The following PLCB1 variants were observed in gnomAD, a reference collection of about 807,000 sequenced individuals.
PLCB1 encodes phospholipase C beta 1, also known as 1-phosphatidylinositol 4,5-bisphosphate phosphodiesterase beta-1.
PLCB1 carries 46 observed loss-of-function variants against 161.8 expected under a neutral mutation model. That is an observed-to-expected ratio of 0.28 (90% confidence interval 0.22 to 0.36). The LOEUF (loss-of-function observed/expected upper bound fraction) is 0.36. PLCB1 is among the 10% of genes least tolerant of loss of function. The pLI is 1.00. For missense variants in PLCB1, 1,016 were observed against 1,472.5 expected (o/e 0.69, Z 5.07); for synonymous variants, 517 against 503.7 (o/e 1.03, Z -0.35).
intron 3 of PLCB1, among the ~76,000 whole-genome samples, chr20:8,541,600 G>GAAAGAAAGAAAGAAATAAAT (rs1292981718): frequency 6.0e-5 from 9 of 150,764 alleles, no homozygotes; most frequent in South Asian, 2.1e-4. Context: ...AAGAAAGAAA[G>GAAAGAAAGAAAGAAATAAAT]AAAGAAAGGA....
chr20:8,572,821 C>G (rs917406751), intron 3 of PLCB1, among the ~76,000 whole-genome samples: 9 of 152,164 alleles, frequency 5.9e-5, no homozygotes, highest in African/African-American at 2.2e-4. Flanking sequence ...AGAGGCCTCA[C>G]ACTCATGAAG....
chr20:8,672,742 G>A (rs557027915), intron 9 of PLCB1, among the ~76,000 whole-genome samples: 8 of 152,192 alleles, frequency 5.3e-5, no homozygotes, highest in Non-Finnish European at 8.8e-5. Context: ...AGAGAATTAC[G>A]TGCTGAGGAC....
chr20:8,604,635 T>A (rs1406233755), intron 3 of PLCB1, among the ~76,000 whole-genome samples: 1 of 152,158 alleles, frequency 6.6e-6, no homozygotes, highest in African/African-American at 2.4e-5. Context: ...TGGTTGTCTG[T>A]CATTGCTAGG....
At chr20:8,563,647 G>C (rs1393841275) in intron 3 of PLCB1, among the ~76,000 whole-genome samples, 2 of 152,092 alleles carry the variant, frequency 1.3e-5, no homozygotes, top group Non-Finnish European at 2.9e-5. Context: ...CTTCAGCATA[G>C]TCTCAGGATA....
Position 8,324,903 on chromosome 20 carries a change from T to C in PLCB1, c.178-46479T>C, listed in dbSNP as rs553380513. Among the ~76,000 whole-genome samples the C allele has an allele frequency of 9.8e-5, 15 of 152,360 alleles. No individual in the cohort carries two copies. The East Asian group carries it at 2.5e-3, about 25-fold the overall frequency. On this transcript the variant is annotated intron_variant, in intron 2 of 31. Coordinates refer to ENST00000338037, the MANE Select transcript of PLCB1 (RefSeq NM_015192.4). ...TCTGGGTATTTGAAAGAGGTTCTTA[T>C]GGATTTTTCCATGTGGGAATAACGT... is the stretch of plus-strand genomic sequence containing the variant.
intron 7 of PLCB1, among the ~76,000 whole-genome samples, chr20:8,655,928 G>A (rs975783007): frequency 2.0e-5 from 3 of 151,972 alleles, no homozygotes; most frequent in Admixed American, 6.6e-5. Context: ...AGCACTCTCC[G>A]GCTAAAGAGA....
chr20:8,582,010 T>C (rs1006621765), intron 3 of PLCB1, among the ~76,000 whole-genome samples: 1 of 152,184 alleles, frequency 6.6e-6, no homozygotes, highest in Non-Finnish European at 1.5e-5. Context: ...CAGTTGGCCA[T>C]GGTGGGAGAA....
chr20:8,244,583 G>T (rs1980782463), intron 2 of PLCB1, among the ~76,000 whole-genome samples: 1 of 151,796 alleles, frequency 6.6e-6, no homozygotes, highest in East Asian at 1.9e-4. Flanking sequence ...CCTGGGGAGG[G>T]TTTTTCCAGG....
chr20:8,249,337 CTT>C (rs1251692034), intron 2 of PLCB1: 1 of 151,928 alleles, frequency 6.6e-6, no homozygotes, highest in Non-Finnish European at 1.5e-5. Context: ...TTTGGGGTCT[CTT>C]GAGAGATTAG....
In PLCB1 at chr20:8,492,891, T is replaced by TC. The variant is rs528114386; in HGVS notation, c.246+121442dup. ...GTGTGTGTGCATTTTTAATGTATGT[T>TC]CATTTTTTTCTGTTGATTTTTTAAA... On this transcript the variant is annotated intron_variant, in intron 3 of 31. Coordinates refer to ENST00000338037, the MANE Select transcript of PLCB1 (RefSeq NM_015192.4). 1.9e-3 allele frequency among the ~76,000 whole-genome samples: 288 copies of TC among 152,018 alleles called. 1 individual carries two copies. The highest frequency in any genetic ancestry group is 6.7e-3 in the African/African-American group (278 of 41,486).
At chr20:8,603,028 GGTTT>G (rs1408031314) in intron 3 of PLCB1, among the ~76,000 whole-genome samples, 2 of 137,758 alleles carry the variant, frequency 1.5e-5, no homozygotes, top group African/African-American at 6.4e-5. Context: ...AGTATCACAT[GGTTT>G]GTACAGCAGG....
chr20:8,862,135 T>A (rs1335149246), intron 31 of PLCB1, among the ~76,000 whole-genome samples: 1 of 152,246 alleles, frequency 6.6e-6, no homozygotes, highest in African/African-American at 2.4e-5. Flanking sequence ...ATATTTCCTC[T>A]TGTAGAATAC....
chr20:8,848,506 C>CA (rs5840297), intron 31 of PLCB1, among the ~76,000 whole-genome samples: 49,999 of 151,958 alleles, frequency 0.33, 9,033 homozygotes, highest in East Asian at 0.63. Context: ...TTACACAAGG[C>CA]CTCCTTATCA....
At chr20:8,154,913 T>C (rs2051544093) in intron 2 of PLCB1, among the ~76,000 whole-genome samples, 1 of 152,200 alleles carries the variant, frequency 6.6e-6, no homozygotes, top group Non-Finnish European at 1.5e-5. Flanking sequence ...GCTTTAAGTT[T>C]TCATGTAGTT....
At chr20:8,759,896 A>ATTTTTTTTTTTTTT (rs3033840) in intron 24 of PLCB1, among the ~76,000 whole-genome samples, 2 of 78,270 alleles carry the variant, frequency 2.6e-5, no homozygotes, top group African/African-American at 1.0e-4. Flanking sequence ...ATAATATCAC[A>ATTTTTTTTTTTTTT]TTTTTTTTTT....
At chr20:8,227,550 T>C (rs937963990) in intron 2 of PLCB1, among the ~76,000 whole-genome samples, 1 of 152,168 alleles carries the variant, frequency 6.6e-6, no homozygotes, top group Admixed American at 6.5e-5. Context: ...CCACTTCCCC[T>C]CTCAGTGAGT....
chr20:8,341,701 A>G (rs1985816546), intron 2 of PLCB1, among the ~76,000 whole-genome samples: 1 of 152,140 alleles, frequency 6.6e-6, no homozygotes, highest in South Asian at 2.1e-4. Flanking sequence ...CTTCTCATTT[A>G]TTTATGTAGA....
intron 31 of PLCB1, among the ~76,000 whole-genome samples, chr20:8,878,730 TTTTA>T (rs535758524): frequency 1.2e-3 from 180 of 152,182 alleles, no homozygotes; most frequent in African/African-American, 4.0e-3. Context: ...CATTTTCTAT[TTTTA>T]TTTATTTTTA....
At chr20:8,799,332 A>T (rs2146236437) in intron 31 of PLCB1, among the ~76,000 whole-genome samples, 1 of 152,276 alleles carries the variant, frequency 6.6e-6, no homozygotes, top group South Asian at 2.1e-4. Flanking sequence ...GAATAGGATG[A>T]GGTGGACTTT....
Sources: gnomAD v4.1 joint callset for allele counts (sites outside exome capture counted in the v4.1 genomes callset) on GRCh38, gnomAD v4.1.1 for gene constraint, MANE v1.5 for transcripts, NCBI Gene and HGNC (gene_info 2026-07-23, HGNC 2026-07-21) for gene names.